Variants in DLG2 observed in about 807,000 individuals in gnomAD.
DLG2 encodes discs large MAGUK scaffold protein 2.
A neutral mutation model predicts 132.5 loss-of-function variants in DLG2; 45 were observed. The ratio of observed to expected loss-of-function variants is 0.34; its 90% CI spans 0.27 to 0.44. The LOEUF (loss-of-function observed/expected upper bound fraction) is 0.44, where lower values mean the gene tolerates loss of function less well. DLG2 is among the 20% of genes least tolerant of loss of function. The pLI is 1.00. For missense variants in DLG2, 1,045 were observed against 1,196.9 expected, an observed-to-expected ratio of 0.87 and a Z score of 1.87; for synonymous variants, 424 against 419.6, an observed-to-expected ratio of 1.01 and a Z score of -0.13.
chr11:85,154,856 A>G (rs975319166), intron 4 of DLG2, among the ~76,000 whole-genome samples: 1 of 152,228 alleles, frequency 6.6e-6, no homozygotes, highest in African/African-American at 2.4e-5. Context: ...ACAGTTATTC[A>G]AAGGCCAATT....
chr11:85,373,850 T>C (rs1328433609), intron 3 of DLG2, among the ~76,000 whole-genome samples: 3 of 152,212 alleles, frequency 2.0e-5, no homozygotes, highest in African/African-American at 7.2e-5. Context: ...ACATAATGAC[T>C]GGTCAATGTA....
intron 3 of DLG2, among the ~76,000 whole-genome samples, chr11:85,502,936 C>A (rs573551792): frequency 6.6e-6 from 1 of 152,084 alleles, no homozygotes; most frequent in Non-Finnish European, 1.5e-5. Flanking sequence ...TGTCTACACA[C>A]TCTACAATGG....
chr11:85,480,288 AC>A (rs2093255885), intron 3 of DLG2, among the ~76,000 whole-genome samples: 3 of 152,238 alleles, frequency 2.0e-5, no homozygotes. Context: ...TGACTCAAAA[AC>A]AGTTACAAAA....
chr11:83,815,656 C>A (rs915715656), intron 17 of DLG2, among the ~76,000 whole-genome samples: 1 of 152,130 alleles, frequency 6.6e-6, no homozygotes, highest in Non-Finnish European at 1.5e-5. Context: ...GGTGGGCAAG[C>A]TGCAGGTTGA....
At chr11:83,539,923 G>A (rs2096010444) in intron 20 of DLG2, among the ~76,000 whole-genome samples, 1 of 152,168 alleles carries the variant, frequency 6.6e-6, no homozygotes, top group Non-Finnish European at 1.5e-5. Context: ...GACTTGATAA[G>A]ATTGGTTAGA....
At chr11:84,024,732 G>A (rs1593322980) in intron 11 of DLG2, among the ~76,000 whole-genome samples, 1 of 151,972 alleles carries the variant, frequency 6.6e-6, no homozygotes, top group East Asian at 1.9e-4. Flanking sequence ...GTAGAATGGT[G>A]GTTACAGAGG....
chr11:83,841,363 T>A (rs1269121880), intron 16 of DLG2, among the ~76,000 whole-genome samples: 1 of 152,248 alleles, frequency 6.6e-6, no homozygotes, highest in Non-Finnish European at 1.5e-5. Flanking sequence ...TTATTATACA[T>A]CATTATACAT....
intron 3 of DLG2, among the ~76,000 whole-genome samples, chr11:85,437,594 GT>G (rs1367101196): frequency 3.9e-5 from 6 of 152,130 alleles, no homozygotes; most frequent in African/African-American, 1.2e-4. Flanking sequence ...CAAAAAAAGA[GT>G]CTATATTTTA....
At chr11:84,058,680 C>T (rs1482504902) in intron 11 of DLG2, among the ~76,000 whole-genome samples, 1 of 151,396 alleles carries the variant, frequency 6.6e-6, no homozygotes, top group Middle Eastern at 3.4e-3. Flanking sequence ...GAGTGAGACC[C>T]TGCCTTAAAA....
intron 7 of DLG2, among the ~76,000 whole-genome samples, chr11:84,448,982 C>T (rs929751170): frequency 7.9e-5 from 12 of 151,922 alleles, no homozygotes; most frequent in Admixed American, 7.9e-4. Context: ...AGGCACTATA[C>T]AGAGACCTAT....
At chr11:83,965,557 T>C (rs1011912522) in intron 12 of DLG2, 89 bp from the exon 13 acceptor site, 2 of 1,085,272 alleles carry the variant, frequency 1.8e-6, no homozygotes, top group African/African-American at 3.2e-5. Flanking sequence ...AATTATAAAT[T>C]GTGATAATTA....
At chr11:84,301,361 T>C (rs2154381735) in intron 7 of DLG2, among the ~76,000 whole-genome samples, 1 of 152,202 alleles carries the variant, frequency 6.6e-6, no homozygotes, top group African/African-American at 2.4e-5. Flanking sequence ...ATGGCGATCA[T>C]TAAAGTCAGG....
At chr11:84,985,799 C>T (rs1032759730) in intron 6 of DLG2, among the ~76,000 whole-genome samples, 6 of 151,848 alleles carry the variant, frequency 4.0e-5, no homozygotes, top group African/African-American at 1.5e-4. Context: ...TCAAGACCAG[C>T]CTGGCCAACA....
chr11:84,317,792 A>C (rs1451420470), intron 7 of DLG2, among the ~76,000 whole-genome samples: 1 of 152,210 alleles, frequency 6.6e-6, no homozygotes, highest in Non-Finnish European at 1.5e-5. Flanking sequence ...ATTAACTCTG[A>C]AGAACATAAA....
intron 3 of DLG2, among the ~76,000 whole-genome samples, chr11:85,345,352 G>A (rs1225833266): frequency 6.6e-6 from 1 of 152,034 alleles, no homozygotes; most frequent in Non-Finnish European, 1.5e-5. Flanking sequence ...CAATTCAAAA[G>A]AACAGGCAAG....
intron 6 of DLG2, among the ~76,000 whole-genome samples, chr11:84,771,035 C>A (rs2069292522): frequency 6.6e-6 from 1 of 152,028 alleles, no homozygotes; most frequent in South Asian, 2.1e-4. Flanking sequence ...TTTATGGGCA[C>A]CTGGGTTGAT....
At chr11:84,659,040 T>C (rs1172042164) in intron 6 of DLG2, among the ~76,000 whole-genome samples, 2 of 152,178 alleles carry the variant, frequency 1.3e-5, no homozygotes, top group Non-Finnish European at 2.9e-5. Flanking sequence ...AGAAATAAAT[T>C]TCTGTGGTTT....
intron 5 of DLG2, among the ~76,000 whole-genome samples, chr11:85,122,973 T>TATATATACA (rs61296374): frequency 2.1e-5 from 1 of 47,226 alleles, no homozygotes; most frequent in Non-Finnish European, 3.7e-5. Flanking sequence ...ATATATATTT[T>TATATATACA]TTTTTTTTTT....
chr11:84,969,729 T>G (rs1464600349), intron 6 of DLG2, among the ~76,000 whole-genome samples: 3 of 152,194 alleles, frequency 2.0e-5, no homozygotes, highest in East Asian at 3.8e-4. Flanking sequence ...ACATGTTTAC[T>G]GCAGCAGTGT....
Sources: allele counts gnomAD v4.1 joint callset (sites outside exome capture counted in the v4.1 genomes callset), GRCh38; gene constraint gnomAD v4.1.1; transcripts MANE v1.5; gene names NCBI Gene and HGNC (gene_info 2026-07-23, HGNC 2026-07-21).